Variants in DHRSX observed in about 807,000 individuals in gnomAD.
DHRSX encodes the protein polyprenol dehydrogenase.
Under a neutral mutation model 34.0 loss-of-function variants are expected in DHRSX, and 31 were observed. The ratio of observed to expected loss-of-function variants is 0.91; its 90% CI spans 0.69 to 1.23. The LOEUF is 1.23. DHRSX is among the 50% of genes most tolerant of loss of function. DHRSX has a pLI of 0.00. For synonymous variants in DHRSX, 201 were observed against 183.8 expected (o/e 1.09, Z -0.76); for missense variants, 414 against 428.1 (o/e 0.97, Z 0.29).
intron 1 of DHRSX, among the ~76,000 whole-genome samples, chrX:2,461,795 G>C (rs971828313): frequency 6.6e-6 from 1 of 152,072 alleles, no homozygotes; most frequent in African/African-American, 2.4e-5. Flanking sequence ...CAACTCCCAC[G>C]CTCAAGTGAT....
chrX:2,442,247 C>A (rs2044072061), intron 1 of DHRSX, among the ~76,000 whole-genome samples: 1 of 150,764 alleles, frequency 6.6e-6, no homozygotes, highest in African/African-American at 2.4e-5. Flanking sequence ...GGTCTCCATC[C>A]TCATCGTCTC....
intron 4 of DHRSX, among the ~76,000 whole-genome samples, chrX:2,272,725 C>T (rs1343505783): frequency 6.6e-6 from 1 of 152,106 alleles, no homozygotes; most frequent in Non-Finnish European, 1.5e-5. Context: ...AGCTTCTTGA[C>T]ACCAGAGAAA....
intron 3 of DHRSX, among the ~76,000 whole-genome samples, chrX:2,305,596 C>A (rs1455104585): frequency 6.6e-6 from 1 of 152,094 alleles, no homozygotes; most frequent in Non-Finnish European, 1.5e-5. Flanking sequence ...AACGCAAATG[C>A]CCGTCATTGA....
intron 5 of DHRSX, among the ~76,000 whole-genome samples, chrX:2,256,455 C>A (rs2041280649): frequency 6.6e-6 from 1 of 152,072 alleles, no homozygotes; most frequent in African/African-American, 2.4e-5. Context: ...GCCACCATGC[C>A]TGGCTAACTT....
At chrX:2,225,008 ACACT>A (rs1267069037) in intron 6 of DHRSX, among the ~76,000 whole-genome samples, 1 of 150,590 alleles carries the variant, frequency 6.6e-6, no homozygotes, top group Non-Finnish European at 1.5e-5. Flanking sequence ...ACACATGCTC[ACACT>A]CATTCACATG....
chrX:2,333,809 A>G (rs906748233), intron 3 of DHRSX, among the ~76,000 whole-genome samples: 21 of 152,056 alleles, frequency 1.4e-4, no homozygotes, highest in Admixed American at 1.4e-3. Context: ...CCTTTACTCA[A>G]TGTTGAACTT....
chrX:2,361,929 G>A lies in DHRSX; in HGVS notation c.286+46816C>T, dbSNP rs1012970162. Among the ~76,000 whole-genome samples, 5 of 152,070 alleles carry A rather than the reference G, an allele frequency of 3.3e-5. No homozygotes were observed. The East Asian group carries it at 9.6e-4, about 29-fold the overall frequency. ...TTACAGAGTGTGGCTGCGTTTCTGT[G>A]GATTCAGTGTTTCTAATTCTTTCTT... On this transcript the variant is annotated intron_variant, in intron 3 of 6. Transcript: ENST00000334651.
chrX:2,364,250 A>T (rs1313356135), intron 3 of DHRSX, among the ~76,000 whole-genome samples: 4 of 152,138 alleles, frequency 2.6e-5, no homozygotes, highest in African/African-American at 9.6e-5. Context: ...TCCCCCAGGA[A>T]CATATAGAAA....
At position 2,277,140 on chromosome X, in the gene DHRSX, GA is replaced by G. The variant is rs747100305; in HGVS notation, c.389-10194del. 3.0e-3 allele frequency among the ~76,000 whole-genome samples: 53 copies of G among 17,530 alleles called. 1 individual carries two copies. The highest frequency in any genetic ancestry group is 5.6e-3 in the South Asian group (3 of 536). The allele number at this position is 17,530 out of a possible 152,430, so 11.5% of individuals were successfully genotyped here. A position where few individuals can be genotyped will look rare whatever the true frequency, so the allele number is the denominator to read the frequency against. The stretch of plus-strand genomic sequence containing the variant: ...GGCAAACGAGAGAGGGAGAGAGAAG[GA>G]AGAGGAGGAAATAGGGGAAAGAGAG... On this transcript the variant is annotated intron_variant, in intron 4 of 6. Transcript: ENST00000334651.
At chrX:2,446,798 G>T (rs918273098) in intron 1 of DHRSX, among the ~76,000 whole-genome samples, 1 of 151,628 alleles carries the variant, frequency 6.6e-6, no homozygotes, top group Non-Finnish European at 1.5e-5. Flanking sequence ...CCACTGTGTA[G>T]GCACTGAAGA....
At chrX:2,367,517 G>A (rs1414565408) in intron 3 of DHRSX, among the ~76,000 whole-genome samples, 1 of 151,620 alleles carries the variant, frequency 6.6e-6, no homozygotes, top group Admixed American at 6.6e-5. Context: ...GCTTCATTTG[G>A]GAATTGAAAA....
intron 3 of DHRSX, among the ~76,000 whole-genome samples, chrX:2,335,704 G>A (rs1342913725): frequency 1.3e-5 from 2 of 151,860 alleles, no homozygotes; most frequent in African/African-American, 2.4e-5. Context: ...TGCCTGCCCT[G>A]GCCTCCCAAA....
At chrX:2,360,822 A>G (rs1303555249) in intron 3 of DHRSX, among the ~76,000 whole-genome samples, 1 of 152,032 alleles carries the variant, frequency 6.6e-6, no homozygotes, top group Non-Finnish European at 1.5e-5. Flanking sequence ...TGGAATGGCA[A>G]GAACTTCGAA....
At chrX:2,400,923 C>T (rs2043477705) in intron 3 of DHRSX, among the ~76,000 whole-genome samples, 1 of 152,114 alleles carries the variant, frequency 6.6e-6, no homozygotes, top group Non-Finnish European at 1.5e-5. Flanking sequence ...AGTAGAAGTG[C>T]CTCCCAAGGC....
intron 5 of DHRSX, among the ~76,000 whole-genome samples, chrX:2,251,052 A>C (rs73628254): frequency 1.3e-5 from 2 of 152,090 alleles, no homozygotes; most frequent in Non-Finnish European, 2.9e-5. Flanking sequence ...GCATGAGGAC[A>C]AGTGACTCCC....
chrX:2,255,618 G>T (rs1405998813), intron 5 of DHRSX, among the ~76,000 whole-genome samples: 2 of 152,052 alleles, frequency 1.3e-5, no homozygotes, highest in Non-Finnish European at 2.9e-5. Flanking sequence ...AATAGGTAGA[G>T]AATCTATCAT....
intron 1 of DHRSX, among the ~76,000 whole-genome samples, chrX:2,451,903 GA>G (rs1265138165): frequency 2.0e-5 from 3 of 151,708 alleles, no homozygotes; most frequent in African/African-American, 7.3e-5. Context: ...CAACACTGAA[GA>G]CGTTCCCTAG....
chrX:2,349,018 G>A (rs2042754327), intron 3 of DHRSX, among the ~76,000 whole-genome samples: 1 of 151,984 alleles, frequency 6.6e-6, no homozygotes, highest in Non-Finnish European at 1.5e-5. Context: ...GCACAGCTGG[G>A]ACAGGGAAGA....
At chrX:2,375,434 C>T (rs920457167) in intron 3 of DHRSX, among the ~76,000 whole-genome samples, 5 of 138,156 alleles carry the variant, frequency 3.6e-5, no homozygotes, top group African/African-American at 1.2e-4. Flanking sequence ...ATCACTGTCT[C>T]CTCCCTTCCC....
Sources: allele counts gnomAD v4.1 joint callset (sites outside exome capture counted in the v4.1 genomes callset), GRCh38; gene constraint gnomAD v4.1.1; transcripts MANE v1.5; gene names NCBI Gene and HGNC (gene_info 2026-07-23, HGNC 2026-07-21).